The following THRA variants were observed in gnomAD, a reference collection of about 807,000 sequenced individuals.
The protein encoded by THRA is EAR-7.
Under a neutral mutation model 45.0 loss-of-function variants are expected in THRA, and 13 were observed. That is an observed-to-expected ratio of 0.29 (90% CI 0.19 to 0.46). THRA has a LOEUF of 0.46. THRA is among the 20% of genes least tolerant of loss of function. The pLI, the probability that THRA is intolerant of heterozygous loss-of-function variation, is 1.00. For synonymous variants in THRA, 195 were observed against 214.0 expected, an observed-to-expected ratio of 0.91 and a Z score of 0.78; for missense variants, 278 against 556.1, an observed-to-expected ratio of 0.50 and a Z score of 5.03.
At chr17:40,075,996 G>A (rs917343757) in intron 2 of THRA, among the ~76,000 whole-genome samples, 10 of 152,222 alleles carry the variant, frequency 6.6e-5, no homozygotes, top group African/African-American at 9.6e-5. Context: ...GGGTGGGTGC[G>A]GGAGGTTATA....
At chr17:40,093,086 C>A (rs1350968157), downstream of THRA, 1 of 1,614,124 alleles carries the variant, frequency 6.2e-7, no homozygotes, top group Admixed American at 1.7e-5. The surrounding 1 kb of genome is among the most constrained non-coding windows in gnomAD (Gnocchi z 5.9). Context: ...GGGCGGGTCA[C>A]TGGGCGTCCA....
chr17:40,084,891 C>T, intron 6 of THRA, 76 bp downstream of exon 6: 1 of 1,533,138 alleles, frequency 6.5e-7, no homozygotes, highest in Non-Finnish European at 8.9e-7. Flanking sequence ...GTCTTGCCTC[C>T]TCCAGGAAGT....
chr17:40,093,324 CCT>C (rs765994964), downstream of THRA: 4 of 1,613,308 alleles, frequency 2.5e-6, no homozygotes, highest in Non-Finnish European at 3.4e-6. This position sits in a 1 kb window ranked among gnomAD's most constrained non-coding sequence, Gnocchi z 5.9. Context: ...TCCCCGAGCT[CCT>C]CTGAGGAGGA....
intron 5 of THRA, 129 bp downstream of exon 5, chr17:40,084,111 T>A: frequency 8.8e-7 from 1 of 1,138,802 alleles, no homozygotes; most frequent in Non-Finnish European, 1.2e-6. Flanking sequence ...TAGGTCAGAA[T>A]GTTCAGTGTC....
At chr17:40,093,680 G>A (rs925504394), downstream of THRA, 2 of 633,792 alleles carry the variant, frequency 3.2e-6, no homozygotes, top group Admixed American at 2.9e-5. This position sits in a 1 kb window ranked among gnomAD's most constrained non-coding sequence, Gnocchi z 5.9. Context: ...GCTCCCCCAG[G>A]CAGAAATAGT....
At chr17:40,088,533 C>A in intron 8 of THRA, 33 bp downstream of exon 8, 1 of 1,581,388 alleles carries the variant, frequency 6.3e-7, no homozygotes. Flanking sequence ...GGCTCAGAAG[C>A]TTCCAGGGGT....
rs776589610 is a variant in THRA at position 40,086,740 on chromosome 17, A to G, written c.610A>G (p.Met204Val). Residue 204 changes from methionine (M) to valine (V), a missense_variant, in exon 7 of 9, where the codon ATG (methionine) becomes GTG (valine). By Grantham distance (21) the Met-to-Val change is conservative. This residue lies in a region of THRA where 111 missense variants were observed against 167.1 expected (regional missense o/e 0.66). Transcript: ENST00000450525. ...DDIGQSPIVSMPDGDKVDLEA... is the reference protein window; with the variant it reads ...DDIGQSPIVSVPDGDKVDLEA... ...CATTGGCCAGTCACCCATTGTCTCC[A>G]TGCCGGACGGAGACAAGGTGGACCT... 1.9e-6 allele frequency: 3 copies of G among 1,614,142 alleles called. No individual in the cohort carries two copies. Among genetic ancestry groups the G allele is most frequent in the South Asian group, 1.1e-5 (1 of 91,080 alleles).
intron 1 of THRA, among the ~76,000 whole-genome samples, chr17:40,071,019 C>G (rs1986755976): frequency 6.6e-6 from 1 of 151,902 alleles, no homozygotes; most frequent in Admixed American, 6.6e-5. Flanking sequence ...CCTTGTCACC[C>G]CTAGCTCTAC....
At chr17:40,069,686 AG>A (rs1439032214) in intron 1 of THRA, among the ~76,000 whole-genome samples, 1 of 151,608 alleles carries the variant, frequency 6.6e-6, no homozygotes, top group Non-Finnish European at 1.5e-5. Context: ...TCCATTCCTG[AG>A]GGGAATTGGG....
intron 1 of THRA, among the ~76,000 whole-genome samples, chr17:40,064,278 T>C (rs970158265): frequency 6.6e-6 from 1 of 152,120 alleles, no homozygotes; most frequent in African/African-American, 2.4e-5. Flanking sequence ...TGTCACACAC[T>C]GGGGCAAGGA....
downstream of THRA, chr17:40,093,689 G>A (rs1987678623): frequency 2.2e-5 from 14 of 634,100 alleles, no homozygotes; most frequent in Admixed American, 4.1e-4. This position sits in a 1 kb window ranked among gnomAD's most constrained non-coding sequence, Gnocchi z 5.9. Flanking sequence ...GGCAGAAATA[G>A]TTGTCTGTGC....
At position 40,089,238 on chromosome 17, in the gene THRA, G is replaced by C. The variant is rs775052494; in HGVS notation, c.1015G>C (p.Glu339Gln). ...RSGLLCVDKI[E>Q]KSQEAYLLAF... ...GGGCCTGCTGTGTGTGGACAAGATC[G>C]AGAAGAGTCAGGAGGCGTACCTGCT... The change falls in exon 9 of 9, where the codon GAG becomes CAG. Residue 339 changes from glutamate (E) to glutamine (Q), a missense_variant. Glu to Gln is a conservative substitution (Grantham distance 29). This residue lies in a region of THRA where 66 missense variants were observed against 94.7 expected (regional missense o/e 0.70). Coordinates refer to ENST00000450525, the MANE Select transcript of THRA (RefSeq NM_199334.5). This position sits in a 1 kb window ranked among gnomAD's most constrained non-coding sequence, Gnocchi z 6.1. 6.2e-7 allele frequency: 1 copy of C among 1,613,964 alleles called. No homozygotes were observed. Among genetic ancestry groups the C allele is most frequent in the Non-Finnish European group, 8.5e-7 (1 of 1,180,000 alleles).
At chr17:40,063,292 G>A (rs1986426802) in intron 1 of THRA, among the ~76,000 whole-genome samples, 200 bp downstream of exon 1, 1 of 152,130 alleles carries the variant, frequency 6.6e-6, no homozygotes, top group African/African-American at 2.4e-5. Context: ...GGGAAGGGAG[G>A]TGTTGCTAGG....
intron 1 of THRA, among the ~76,000 whole-genome samples, chr17:40,067,112 A>G (rs1986602549): frequency 6.6e-6 from 1 of 152,122 alleles, no homozygotes; most frequent in South Asian, 2.1e-4. Context: ...ACCGTCATGT[A>G]ATCTTTTCCT....
intron 2 of THRA, 133 bp downstream of exon 2, chr17:40,074,674 CT>C (rs1986889398): frequency 1.1e-6 from 1 of 897,616 alleles, no homozygotes; most frequent in African/African-American, 1.6e-5. Context: ...TTCTGCCTAC[CT>C]TTGTCTGGCA....
At chr17:40,088,025 T>C (rs2145084365) in intron 7 of THRA, among the ~76,000 whole-genome samples, 1 of 152,336 alleles carries the variant, frequency 6.6e-6, no homozygotes, top group South Asian at 2.1e-4. Context: ...CCTCCCATAG[T>C]GCTGGCATTA....
chr17:40,093,241 G>A (rs199527819), downstream of THRA: 1 of 1,613,710 alleles, frequency 6.2e-7, no homozygotes, highest in East Asian at 2.2e-5. The surrounding 1 kb of genome is among the most constrained non-coding windows in gnomAD (Gnocchi z 5.9). Flanking sequence ...AGCGTCTCCT[G>A]GAGCTGCTCC....
At chr17:40,087,427 C>G (rs1191939903) in intron 7 of THRA, among the ~76,000 whole-genome samples, 2 of 151,464 alleles carry the variant, frequency 1.3e-5, no homozygotes, top group African/African-American at 2.4e-5. Flanking sequence ...CACACACACA[C>G]ACACACCTAG....
At chr17:40,084,368 A>G (rs779334836) in intron 5 of THRA, 3 of 545,854 alleles carry the variant, frequency 5.5e-6, no homozygotes, top group Non-Finnish European at 6.6e-6. Flanking sequence ...CACCGTCACC[A>G]TAATCCGTTA....
Sources: gnomAD v4.1 joint callset for allele counts (sites outside exome capture counted in the v4.1 genomes callset) on GRCh38, gnomAD v4.1.1 for gene constraint, gnomAD v4.1.1 regional missense constraint, Gnocchi (gnomAD v3.1) non-coding constraint, MANE v1.5 for transcripts, NCBI Gene and HGNC (gene_info 2026-07-23, HGNC 2026-07-21) for gene names.